The following ZNF362 variants were observed in gnomAD, a reference collection of about 807,000 sequenced individuals.
The protein encoded by ZNF362 is rotund homolog.
ZNF362 carries 11 observed loss-of-function variants against 42.9 expected under a neutral mutation model. The observed-to-expected ratio is 0.26, with a 90% CI of 0.16 to 0.42. The LOEUF (loss-of-function observed/expected upper bound fraction) is 0.42, where lower values mean the gene tolerates loss of function less well. ZNF362 is among the 20% of genes least tolerant of loss of function. The pLI is 1.00. For synonymous variants in ZNF362, 255 were observed against 257.3 expected (o/e 0.99, Z 0.09); for missense variants, 362 against 576.2 (o/e 0.63, Z 3.81).
At chr1:33,131,633 ATAAT>A in the ZNF362 span, among the ~76,000 whole-genome samples, 553 of 152,214 alleles carry the variant, frequency 3.6e-3, 6 homozygotes, top group African/African-American at 0.013. Flanking sequence ...AATAAAATAA[ATAAT>A]TAAAATATAT....
chr1:33,220,153 G>T, the ZNF362 span, among the ~76,000 whole-genome samples: 4 of 152,136 alleles, frequency 2.6e-5, no homozygotes, highest in Non-Finnish European at 5.9e-5. Flanking sequence ...GGAAGGAAAG[G>T]TGGGCAGGGA....
chr1:33,147,821 C>T, the ZNF362 span: 17 of 1,412,552 alleles, frequency 1.2e-5, no homozygotes, highest in East Asian at 1.4e-4. This position sits in a 1 kb window ranked among gnomAD's most constrained non-coding sequence, Gnocchi z 8.1. Flanking sequence ...CTGGTTGGTA[C>T]GCAGGAGGCC....
the ZNF362 span, chr1:33,181,199 G>A: frequency 4.5e-5 from 71 of 1,588,732 alleles, no homozygotes; most frequent in East Asian, 1.2e-3. The surrounding 1 kb of genome is among the most constrained non-coding windows in gnomAD (Gnocchi z 6.5). Flanking sequence ...CGTCCAGCGG[G>A]AAGGAGCTGT....
At chr1:33,129,171 G>A in the ZNF362 span, among the ~76,000 whole-genome samples, 1 of 152,088 alleles carries the variant, frequency 6.6e-6, no homozygotes, top group African/African-American at 2.4e-5. The surrounding 1 kb of genome is among the most constrained non-coding windows in gnomAD (Gnocchi z 4.1). Flanking sequence ...ATGGAGATTG[G>A]GGGCATATTA....
chr1:33,292,215 A>C (rs979483200), intron 6 of ZNF362, among the ~76,000 whole-genome samples: 6 of 152,150 alleles, frequency 3.9e-5, no homozygotes, highest in Non-Finnish European at 8.8e-5. Flanking sequence ...TGTCATAAAT[A>C]GTTCTTATTA....
chr1:33,151,381 G>A, the ZNF362 span, among the ~76,000 whole-genome samples: 2 of 152,096 alleles, frequency 1.3e-5, no homozygotes, highest in Non-Finnish European at 2.9e-5. Flanking sequence ...CTGGGGCAGG[G>A]TGTGGCACCC....
the ZNF362 span, among the ~76,000 whole-genome samples, chr1:33,213,721 T>C: frequency 6.6e-6 from 1 of 152,140 alleles, no homozygotes; most frequent in East Asian, 1.9e-4. Flanking sequence ...GGCATGTGCC[T>C]GTAGTCCCAG....
At chr1:33,254,052 T>A (rs1645773071), upstream of ZNF362, among the ~76,000 whole-genome samples, 1 of 152,176 alleles carries the variant, frequency 6.6e-6, no homozygotes, top group Admixed American at 6.5e-5. Context: ...CCTTGACACA[T>A]TATTGTTATT....
At position 33,276,496 on chromosome 1, in the gene ZNF362, C is replaced by T. The variant is rs761170960; in HGVS notation, c.251C>T (p.Ser84Leu). The change falls in exon 4 of 9, where the codon TCG (serine) becomes TTG (leucine). Residue 84 changes from serine (S) to leucine (L), a missense_variant. By Grantham distance (145) the Ser-to-Leu change is moderately radical. Around this residue, in one of 3 missense-constraint regions of ZNF362, gnomAD observed 266 missense variants for 365.4 expected, o/e 0.73. Transcript: ENST00000539719. ...APAESSQAVM[S>L]LPKLQQVPGL... is the part of the protein sequence containing the mutation. ...GCCGAGAGCAGCCAGGCCGTCATGT[C>T]GCTGCCCAAGCTGCAGCAGGTGCCG... 1.1e-5 allele frequency: 17 copies of T among 1,580,812 alleles called. No individual in the cohort carries two copies. Among genetic ancestry groups the T allele is most frequent in the South Asian group, 2.3e-5 (2 of 87,428 alleles).
At chr1:33,203,498 A>G in the ZNF362 span, among the ~76,000 whole-genome samples, 1 of 152,186 alleles carries the variant, frequency 6.6e-6, no homozygotes, top group East Asian at 1.9e-4. Context: ...CACAAGAAGG[A>G]TTGCTGGGTC....
chr1:33,176,136 C>T, the ZNF362 span, among the ~76,000 whole-genome samples: 1 of 152,226 alleles, frequency 6.6e-6, no homozygotes, highest in South Asian at 2.1e-4. Flanking sequence ...AGAGCCACTT[C>T]CCCACAACAC....
At chr1:33,270,182 C>T (rs561359530) in intron 1 of ZNF362, among the ~76,000 whole-genome samples, 85 of 152,318 alleles carry the variant, frequency 5.6e-4, no homozygotes, top group African/African-American at 1.5e-3. Context: ...TGAGCACCAA[C>T]CCTACTTGTG....
At chr1:33,179,326 G>A in the ZNF362 span, among the ~76,000 whole-genome samples, 1 of 152,220 alleles carries the variant, frequency 6.6e-6, no homozygotes, top group East Asian at 1.9e-4. Context: ...GTAGTTTTGA[G>A]ATAAAAGGGA....
the ZNF362 span, among the ~76,000 whole-genome samples, chr1:33,222,485 C>T: frequency 6.6e-6 from 1 of 152,154 alleles, no homozygotes; most frequent in Admixed American, 6.6e-5. Context: ...TCTCCACATT[C>T]GCCAGAGTGA....
Position 33,281,498 on chromosome 1 carries a change from A to T in ZNF362, c.684-89A>T. Reference sequence around the variant, plus strand: ...GCTCATCACAGGAAAGACCTGTCCCAGGTGCAAGGTCTCTCTGATGTAGAA... The same window carrying T: ...GCTCATCACAGGAAAGACCTGTCCCTGGTGCAAGGTCTCTCTGATGTAGAA... On this transcript the variant is annotated intron_variant, in intron 5 of 8. Coordinates refer to ENST00000539719, the MANE Select transcript of ZNF362 (RefSeq NM_152493.3). The surrounding 1 kb of genome is among the most constrained non-coding windows in gnomAD (Gnocchi z 4.8). 1 of 1,266,934 alleles carries T rather than the reference A, an allele frequency of 7.9e-7. No homozygotes were observed. 78.5% of individuals were successfully genotyped at this position (1,266,934 alleles called of 1,614,324 possible).
chr1:33,223,631 G>C, the ZNF362 span, among the ~76,000 whole-genome samples: 1 of 152,146 alleles, frequency 6.6e-6, no homozygotes, highest in Non-Finnish European at 1.5e-5. Context: ...GGTGGCTCAC[G>C]CCTGTAATCC....
rs1002939321 is a variant in ZNF362 at position 33,286,087 on chromosome 1, C to CA, written c.908+4283dup. Among the ~76,000 whole-genome samples the CA allele has an allele frequency of 1.9e-4, 29 of 152,132 alleles. No individual in the cohort carries two copies. The East Asian group carries it at 4.1e-3, about 21-fold the overall frequency. Reference sequence around the variant, plus strand: ...CAAAAAACAAAAAAACAAAAAACAACAAAAAAAGAAGAATACAAAACCCAA... The same window carrying CA: ...CAAAAAACAAAAAAACAAAAAACAACAAAAAAAAGAAGAATACAAAACCCAA... On this transcript the variant is annotated intron_variant, in intron 6 of 8. Coordinates refer to ENST00000539719, the MANE Select transcript of ZNF362 (RefSeq NM_152493.3).
intron 8 of ZNF362, 70 bp from the exon 9 acceptor site, chr1:33,298,860 G>A (rs946696230): frequency 7.4e-6 from 10 of 1,348,116 alleles, no homozygotes; most frequent in Admixed American, 3.4e-5. Flanking sequence ...GTGGCTGCTG[G>A]TGGGAACTGC....
At chr1:33,166,639 G>A in the ZNF362 span, among the ~76,000 whole-genome samples, 1 of 152,168 alleles carries the variant, frequency 6.6e-6, no homozygotes, top group African/African-American at 2.4e-5. Context: ...ACATATAATG[G>A]TAAAGAAGGA....
Sources: allele counts gnomAD v4.1 joint callset (sites outside exome capture counted in the v4.1 genomes callset), GRCh38; gene constraint gnomAD v4.1.1; regional missense constraint gnomAD v4.1.1; non-coding constraint Gnocchi (gnomAD v3.1); transcripts MANE v1.5; gene names NCBI Gene and HGNC (gene_info 2026-07-23, HGNC 2026-07-21).